Variants in PTPRG observed in about 807,000 individuals in gnomAD.
PTPRG encodes the protein receptor-type tyrosine-protein phosphatase gamma.
A neutral mutation model predicts 165.3 loss-of-function variants in PTPRG; 102 were observed. The ratio of observed to expected loss-of-function variants is 0.62; its 90% CI spans 0.53 to 0.73. The LOEUF (loss-of-function observed/expected upper bound fraction) is 0.73. Ranked by LOEUF, PTPRG falls within the 30% of genes least tolerant of loss-of-function variation. The pLI, the probability that PTPRG is intolerant of heterozygous loss-of-function variation, is 0.00. For synonymous variants in PTPRG, 675 were observed against 669.5 expected, an observed-to-expected ratio of 1.01 and a Z score of -0.13; for missense variants, 1,866 against 1,861.4, an observed-to-expected ratio of 1.00 and a Z score of -0.05.
At chr3:62,157,554 T>A (rs1048878797) in intron 7 of PTPRG, among the ~76,000 whole-genome samples, 19 of 152,248 alleles carry the variant, frequency 1.2e-4, no homozygotes, top group African/African-American at 4.3e-4. Context: ...AAGCTCTTTA[T>A]AAATGTTGAC....
intron 4 of PTPRG, among the ~76,000 whole-genome samples, chr3:62,073,008 G>A (rs562001113): frequency 1.3e-5 from 2 of 152,242 alleles, no homozygotes; most frequent in South Asian, 4.2e-4. Context: ...AGAGTGACAG[G>A]GAAATAGTTT....
At chr3:62,064,611 C>T (rs888769526) in intron 4 of PTPRG, among the ~76,000 whole-genome samples, 2 of 151,622 alleles carry the variant, frequency 1.3e-5, no homozygotes, top group African/African-American at 4.9e-5. Flanking sequence ...TTTGTATATG[C>T]AGCACTTGTG....
intron 17 of PTPRG, among the ~76,000 whole-genome samples, chr3:62,265,896 T>TATAC (rs1553662684): frequency 3.7e-4 from 48 of 130,610 alleles, no homozygotes; most frequent in African/African-American, 1.1e-3. Context: ...GTGCCTTATA[T>TATAC]ACACACACAC....
chr3:62,002,315 A>G lies in PTPRG; in HGVS notation c.371-1034A>G, dbSNP rs567676701. Among the ~76,000 whole-genome samples the G allele has an allele frequency of 1.1e-4, 17 of 152,292 alleles. No homozygotes were observed. In the South Asian group the frequency reaches 3.1e-3, roughly 28 times the overall value. The stretch of plus-strand genomic sequence containing the variant: ...TCTTTAGGAAGAGGAGACAATGAGG[A>G]TAAGTACTTTCCCATGGCTTACACA... On this transcript the variant is annotated intron_variant, in intron 3 of 29. Transcript: ENST00000474889.
intron 1 of PTPRG, among the ~76,000 whole-genome samples, chr3:61,614,471 G>A (rs946666836): frequency 1.4e-4 from 19 of 140,090 alleles, no homozygotes; most frequent in East Asian, 2.1e-4. Context: ...GTGCAGTGGC[G>A]TGATCTCGGC....
At chr3:61,659,512 G>T (rs1275059231) in intron 1 of PTPRG, 58 of 934,966 alleles carry the variant, frequency 6.2e-5, no homozygotes, top group Non-Finnish European at 7.4e-5. Flanking sequence ...TCTGGATCCT[G>T]ATTTTGAGTG....
intron 1 of PTPRG, chr3:61,659,421 T>C (rs1278479629): frequency 2.0e-6 from 2 of 985,186 alleles, no homozygotes; most frequent in Non-Finnish European, 2.4e-6. Context: ...CTGTGTACAC[T>C]TCTTAAAAGT....
chr3:61,614,108 T>G (rs1209529413), intron 1 of PTPRG, among the ~76,000 whole-genome samples: 2 of 152,136 alleles, frequency 1.3e-5, no homozygotes, highest in African/African-American at 4.8e-5. Context: ...CTCTCACCCA[T>G]GGGCCTGCCT....
intron 2 of PTPRG, among the ~76,000 whole-genome samples, chr3:61,756,637 A>G (rs1034868404): frequency 2.0e-5 from 3 of 152,316 alleles, no homozygotes; most frequent in Non-Finnish European, 2.9e-5. Context: ...AGGTGGTTTC[A>G]CAAGTGATTG....
chr3:61,824,082 C>G (rs757576730), intron 2 of PTPRG, among the ~76,000 whole-genome samples: 3 of 152,006 alleles, frequency 2.0e-5, no homozygotes, highest in South Asian at 2.1e-4. Context: ...CAAGATCGCT[C>G]CACTGCACTC....
intron 8 of PTPRG, among the ~76,000 whole-genome samples, chr3:62,179,862 G>T (rs1452644744): frequency 1.3e-5 from 2 of 152,188 alleles, no homozygotes; most frequent in African/African-American, 4.8e-5. Context: ...CACATCTGGG[G>T]ATTGAAATGA....
chr3:61,607,438 C>T (rs978910529), intron 1 of PTPRG, among the ~76,000 whole-genome samples: 17 of 147,718 alleles, frequency 1.2e-4, no homozygotes, highest in Non-Finnish European at 1.5e-5. Flanking sequence ...AAAACACTTA[C>T]CAGATGCATC....
At chr3:61,732,731 A>C (rs906631789) in intron 1 of PTPRG, among the ~76,000 whole-genome samples, 1 of 115,710 alleles carries the variant, frequency 8.6e-6, no homozygotes, top group Non-Finnish European at 1.7e-5. Flanking sequence ...TAAATAAATA[A>C]ATAAATAAAT....
intron 2 of PTPRG, among the ~76,000 whole-genome samples, chr3:61,932,246 G>A (rs1161502282): frequency 6.6e-6 from 1 of 152,134 alleles, no homozygotes; most frequent in Non-Finnish European, 1.5e-5. Flanking sequence ...TCTTTGGATT[G>A]GATATTACAT....
intron 2 of PTPRG, among the ~76,000 whole-genome samples, chr3:61,778,283 A>G (rs1391755887): frequency 6.6e-6 from 1 of 152,156 alleles, no homozygotes; most frequent in Non-Finnish European, 1.5e-5. Context: ...TGGGATCCAC[A>G]TGCCCCCTAG....
chr3:61,755,364 A>G (rs918158896), intron 2 of PTPRG, among the ~76,000 whole-genome samples: 2 of 152,138 alleles, frequency 1.3e-5, no homozygotes, highest in Non-Finnish European at 2.9e-5. Flanking sequence ...ATCAGCCTTG[A>G]GAGTCTTCCT....
At chr3:61,583,366 G>C (rs1365890740) in intron 1 of PTPRG, among the ~76,000 whole-genome samples, 1 of 152,128 alleles carries the variant, frequency 6.6e-6, no homozygotes, top group Admixed American at 6.5e-5. Flanking sequence ...TGTGCTTGCT[G>C]GTCATGGACT....
intron 1 of PTPRG, among the ~76,000 whole-genome samples, chr3:61,637,649 T>G (rs1169643673): frequency 6.6e-6 from 1 of 152,164 alleles, no homozygotes; most frequent in African/African-American, 2.4e-5. Context: ...GCGGGAACTG[T>G]AGACTTCTTA....
At position 62,190,970 on chromosome 3, in the gene PTPRG, A is replaced by G. The variant is rs1178716591; in HGVS notation, c.1034-499A>G. ...TATGGTTACATAGGAGAGTGTCCTCAATCTTGGGAGATGCAGGACAGAGTA... is the reference window on the plus strand; with the variant it reads ...TATGGTTACATAGGAGAGTGTCCTCGATCTTGGGAGATGCAGGACAGAGTA... On this transcript the variant is annotated intron_variant, in intron 8 of 29. Coordinates refer to ENST00000474889, the MANE Select transcript of PTPRG (RefSeq NM_002841.4). This position sits in a 1 kb window ranked among gnomAD's most constrained non-coding sequence, Gnocchi z 5.2. Among the ~76,000 whole-genome samples the G allele has an allele frequency of 4.6e-5, 7 of 152,222 alleles. No homozygotes were observed. The highest frequency in any genetic ancestry group is 4.6e-4 in the Admixed American group (7 of 15,284).
Sources: allele counts gnomAD v4.1 joint callset (sites outside exome capture counted in the v4.1 genomes callset), GRCh38; gene constraint gnomAD v4.1.1; non-coding constraint Gnocchi (gnomAD v3.1); transcripts MANE v1.5; gene names NCBI Gene and HGNC (gene_info 2026-07-23, HGNC 2026-07-21).